Variants in PFKP observed in about 807,000 individuals in gnomAD.
PFKP encodes ATP-dependent 6-phosphofructokinase, platelet type.
In PFKP, 101 loss-of-function variants were observed where a neutral mutation model predicts 94.3. The observed-to-expected ratio is 1.07, with a 90% CI of 0.91 to 1.26. The LOEUF is 1.26. Among genes scored for constraint, PFKP ranks in the 50% most tolerant of loss-of-function variants. The pLI is 0.00. For missense variants in PFKP, 1,145 were observed against 1,103.3 expected (o/e 1.04, Z -0.53); for synonymous variants, 573 against 432.6 (o/e 1.32, Z -4.03).
intron 10 of PFKP, among the ~76,000 whole-genome samples, chr10:3,111,116 G>A (rs1270353072): frequency 6.7e-6 from 1 of 149,076 alleles, no homozygotes; most frequent in Non-Finnish European, 1.5e-5. Flanking sequence ...ATGCATGTGT[G>A]AGCATGTTTG....
At chr10:3,070,696 AGGAGCAAAACAGAT>A (rs1424827549) in intron 1 of PFKP, among the ~76,000 whole-genome samples, 2 of 152,188 alleles carry the variant, frequency 1.3e-5, no homozygotes, top group African/African-American at 4.8e-5. Context: ...TGATTGTGAT[AGGAGCAAAACAGAT>A]CTTAATTCCA....
chr10:3,072,800 A>G (rs1401806479), intron 1 of PFKP, among the ~76,000 whole-genome samples: 1 of 151,962 alleles, frequency 6.6e-6, no homozygotes, highest in African/African-American at 2.4e-5. Flanking sequence ...AGAAGCAATT[A>G]AAATTAGAAA....
At chr10:3,078,486 A>G (rs1378409561) in intron 1 of PFKP, among the ~76,000 whole-genome samples, 1 of 152,194 alleles carries the variant, frequency 6.6e-6, no homozygotes, top group Non-Finnish European at 1.5e-5. Flanking sequence ...GAGGGCTTAG[A>G]ACTAAACAGT....
intron 1 of PFKP, among the ~76,000 whole-genome samples, chr10:3,079,118 C>T (rs1832819933): frequency 6.6e-6 from 1 of 152,168 alleles, no homozygotes; most frequent in African/African-American, 2.4e-5. Flanking sequence ...CAGGTGGGTG[C>T]AGGTGAACCC....
intron 1 of PFKP, among the ~76,000 whole-genome samples, chr10:3,070,698 G>A (rs1832115182): frequency 6.6e-6 from 1 of 152,092 alleles, no homozygotes; most frequent in Admixed American, 6.6e-5. Context: ...ATTGTGATAG[G>A]AGCAAAACAG....
intron 16 of PFKP, among the ~76,000 whole-genome samples, chr10:3,124,121 C>A (rs1393231775): frequency 7.2e-5 from 11 of 152,192 alleles, no homozygotes; most frequent in Non-Finnish European, 1.5e-4. Flanking sequence ...TGCGTTGCAC[C>A]AGGGCTGCAG....
At chr10:3,136,380 T>C (rs1484599517) in intron 21 of PFKP, 70 bp from the exon 22 acceptor site, 15 of 1,560,174 alleles carry the variant, frequency 9.6e-6, no homozygotes, top group African/African-American at 5.4e-5. Flanking sequence ...CCGCTCGCTG[T>C]GCTGGCCAGG....
intron 5 of PFKP, 52 bp from the exon 6 acceptor site, chr10:3,105,059 CCTCT>C: frequency 3.9e-6 from 6 of 1,537,398 alleles, no homozygotes; most frequent in Non-Finnish European, 5.4e-6. Flanking sequence ...GTGGGTGCTC[CCTCT>C]GTTTCTCTGC....
At position 3,099,300 on chromosome 10, in the gene PFKP, G is replaced by C. The variant is rs1266867021; in HGVS notation, c.212G>C (p.Gly71Ala). The C allele has an allele frequency of 6.2e-7, 1 of 1,613,998 alleles. No homozygotes were observed. Among genetic ancestry groups the C allele is most frequent in the Non-Finnish European group, 8.5e-7 (1 of 1,179,966 alleles). Residue 71 changes from glycine to alanine, a missense_variant, in exon 3 of 22, where the codon GGC becomes GCC. Physicochemically the swap from Gly to Ala is moderately conservative, Grantham distance 60. Coordinates refer to ENST00000381125, the MANE Select transcript of PFKP (RefSeq NM_002627.5). ...YEGYQGMVDG[G>A]SNIAEADWES... ...GGCTACCAGGGCATGGTGGACGGAG[G>C]CTCAAACATCGCAGAGGCCGACTGG...
At chr10:3,092,862 T>A (rs1410489932) in intron 2 of PFKP, among the ~76,000 whole-genome samples, 1 of 151,958 alleles carries the variant, frequency 6.6e-6, no homozygotes, top group East Asian at 1.9e-4. Flanking sequence ...TGCTCCCCTG[T>A]CTGAGGAAAG....
chr10:3,084,197 C>T (rs1833305535), intron 2 of PFKP, among the ~76,000 whole-genome samples: 1 of 152,230 alleles, frequency 6.6e-6, no homozygotes, highest in Non-Finnish European at 1.5e-5. Context: ...TGGGATGCCT[C>T]TTGCCTAAGT....
chr10:3,077,171 G>C (rs574607782), intron 1 of PFKP, among the ~76,000 whole-genome samples: 6 of 152,130 alleles, frequency 3.9e-5, no homozygotes, highest in Non-Finnish European at 8.8e-5. Flanking sequence ...GGGCGAGGCA[G>C]GGAGCTTTAT....
At chr10:3,134,608 C>T (rs1007012861) in intron 20 of PFKP, 26 bp downstream of exon 20, 1 of 1,452,892 alleles carries the variant, frequency 6.9e-7, no homozygotes, top group South Asian at 1.1e-5. Context: ...AGGGAGGCCA[C>T]AGCCTCGTGA....
chr10:3,124,294 C>G (rs1484425515), intron 16 of PFKP, among the ~76,000 whole-genome samples: 1 of 152,238 alleles, frequency 6.6e-6, no homozygotes, highest in Non-Finnish European at 1.5e-5. Flanking sequence ...TCAAAAACAC[C>G]TTGCTGTGTG....
chr10:3,092,734 A>G (rs764073648), intron 2 of PFKP, among the ~76,000 whole-genome samples: 4 of 152,218 alleles, frequency 2.6e-5, no homozygotes, highest in Non-Finnish European at 4.4e-5. Flanking sequence ...TTCATTCTTC[A>G]TTAGCCATAG....
chr10:3,103,636 A>G (rs1459774384), intron 4 of PFKP, 143 bp from the exon 5 acceptor site: 3 of 815,986 alleles, frequency 3.7e-6, no homozygotes, highest in South Asian at 3.5e-5. Flanking sequence ...CAGAAAAATG[A>G]TAATAAAGAA....
Position 3,068,815 on chromosome 10 carries a change from C to G in PFKP, c.112+1108C>G, listed in dbSNP as rs2131361923. 5 of 521,958 alleles carry G rather than the reference C, an allele frequency of 9.6e-6. No homozygotes were observed. In the South Asian group the frequency reaches 4.1e-4, roughly 43 times the overall value. 32.3% of individuals were successfully genotyped at this position (521,958 alleles called of 1,614,324 possible). On this transcript the variant is annotated intron_variant, in intron 1 of 21. Transcript: ENST00000381125. ...CGCGCAGGCTGGAGACGCGGCGCGC[C>G]CCGAGCTGGGTTTTGATTTTTGTTT...
Position 3,105,131 on chromosome 10 carries a change from G to A in PFKP, c.637G>A (p.Val213Ile), listed in dbSNP as rs746311349. Residue 213 changes from valine to isoleucine, a missense_variant, in exon 6 of 22, where the codon GTT (valine) becomes ATT (isoleucine). Val to Ile is a conservative substitution (Grantham distance 29, BLOSUM62 3). Transcript: ENST00000381125. ...CTCTTCCAGCCACCAGAGGACCTTC[G>A]TTCTGGAGGTGATGGGACGACACTG... Reference protein sequence around the residue: ...TTAQSHQRTFVLEVMGRHCGY... With the variant: ...TTAQSHQRTFILEVMGRHCGY... 11 of 1,613,874 alleles carry A rather than the reference G, an allele frequency of 6.8e-6. No homozygotes were observed. Among genetic ancestry groups the A allele is most frequent in the East Asian group, 2.2e-5 (1 of 44,884 alleles).
intron 13 of PFKP, 63 bp downstream of exon 13, chr10:3,113,581 G>A (rs543236046): frequency 3.1e-5 from 47 of 1,494,292 alleles, no homozygotes; most frequent in South Asian, 4.9e-5. Context: ...TGGACGTGGC[G>A]GCGGGGGGGT....
Sources: gnomAD v4.1 joint callset for allele counts (sites outside exome capture counted in the v4.1 genomes callset) on GRCh38, gnomAD v4.1.1 for gene constraint, MANE v1.5 for transcripts, NCBI Gene and HGNC (gene_info 2026-07-23, HGNC 2026-07-21) for gene names.